WTAP: variants seen among roughly 807,000 people sequenced by gnomAD.
WTAP encodes WT1 associated protein.
Under a neutral mutation model 50.0 loss-of-function variants are expected in WTAP, and 8 were observed. The ratio of observed to expected loss-of-function variants is 0.16; its 90% CI spans 0.09 to 0.29. The LOEUF is 0.29. WTAP is among the 10% of genes least tolerant of loss of function. The pLI, the probability that WTAP is intolerant of heterozygous loss-of-function variation, is 1.00. For synonymous variants in WTAP, 194 were observed against 169.0 expected (o/e 1.15, Z -1.15); for missense variants, 295 against 470.7 (o/e 0.63, Z 3.45).
intron 1 of WTAP, among the ~76,000 whole-genome samples, chr6:159,734,738 T>G (rs1778800607): frequency 6.6e-6 from 1 of 152,234 alleles, no homozygotes; most frequent in Admixed American, 6.5e-5. Flanking sequence ...ATTTAGATGC[T>G]TTTTCAAAAG....
At position 159,752,236 on chromosome 6, in the gene WTAP, C is replaced by T. The variant is rs140315974; in HGVS notation, c.453-1224C>T. On this transcript the variant is annotated intron_variant, in intron 6 of 7. Transcript: ENST00000621533. ...GACTAGAATTTAAAAAATGTTTTAA[C>T]CCATAAGGTCATCCTGGACTTACCC... 4.2e-3 allele frequency among the ~76,000 whole-genome samples: 632 copies of T among 152,252 alleles called. 4 individuals carry two copies. Among genetic ancestry groups the T allele is most frequent in the African/African-American group, 0.015 (609 of 41,554 alleles).
chr6:159,755,739 T>G lies in WTAP; in HGVS notation c.*128T>G, dbSNP rs1260248979. ...TACGTTTTGGTTTTTTTTTGTTGTTTTTTTTCTTTGTTTTTTTTTTCTTTT... is the reference window on the plus strand; with the variant it reads ...TACGTTTTGGTTTTTTTTTGTTGTTGTTTTTCTTTGTTTTTTTTTTCTTTT... On this transcript the variant is annotated 3_prime_UTR_variant, in exon 8 of 8. Transcript: ENST00000621533. The G allele has an allele frequency of 1.9e-5, 23 of 1,222,658 alleles. No homozygotes were observed. Among genetic ancestry groups the G allele is most frequent in the East Asian group, 3.1e-5 (1 of 32,058 alleles). The allele number at this position is 1,222,658 out of a possible 1,614,324, so 75.7% of individuals were successfully genotyped here. A position where few individuals can be genotyped will look rare whatever the true frequency, so the allele number is the denominator to read the frequency against.
intron 3 of WTAP, among the ~76,000 whole-genome samples, chr6:159,741,324 G>A (rs1299780290): frequency 6.6e-6 from 1 of 152,166 alleles, no homozygotes; most frequent in East Asian, 1.9e-4. Flanking sequence ...TTAAATTACA[G>A]TCTTGAAAAA....
upstream of WTAP, chr6:159,727,274 T>C: frequency 7.8e-7 from 1 of 1,281,588 alleles, no homozygotes; most frequent in Non-Finnish European, 1.0e-6. Context: ...ACCTTTCCTC[T>C]CCTGGCGGGG....
intron 7 of WTAP, among the ~76,000 whole-genome samples, chr6:159,754,351 G>A (rs551342803): frequency 1.3e-5 from 2 of 152,220 alleles, no homozygotes; most frequent in South Asian, 4.2e-4. Flanking sequence ...GAGTGTTATA[G>A]AGGACCACAC....
intron 1 of WTAP, among the ~76,000 whole-genome samples, chr6:159,728,394 G>C (rs575633278): frequency 3.3e-5 from 5 of 151,652 alleles, no homozygotes; most frequent in African/African-American, 1.2e-4. Context: ...TCAAGGACTA[G>C]CATAACTGTG....
At chr6:159,727,164 G>A (rs960319087), upstream of WTAP, 9 of 1,198,428 alleles carry the variant, frequency 7.5e-6, no homozygotes, top group African/African-American at 1.1e-4. Flanking sequence ...CGGAGCTCGC[G>A]CCAGGCTCCT....
intron 2 of WTAP, 78 bp downstream of exon 2, chr6:159,736,373 A>T (rs1427717932): frequency 9.1e-7 from 1 of 1,098,418 alleles, no homozygotes; most frequent in East Asian, 2.4e-5. Context: ...AAAAAAAAAT[A>T]GACTTGAAGG....
intron 6 of WTAP, among the ~76,000 whole-genome samples, chr6:159,752,725 T>C (rs780268673): frequency 2.6e-5 from 4 of 152,214 alleles, no homozygotes; most frequent in African/African-American, 4.8e-5. Context: ...TTGAGAGTTA[T>C]GGAAGATGGA....
At position 159,755,333 on chromosome 6, in the gene WTAP, T is replaced by C. The variant is rs755139888; in HGVS notation, c.913T>C (p.Ser305Pro). 5 of 1,614,186 alleles carry C rather than the reference T, an allele frequency of 3.1e-6. No homozygotes were observed. The highest frequency in any genetic ancestry group is 1.7e-5 in the Admixed American group (1 of 60,020). ...CAACACAACCGAAGATGACTTTCCT[T>C]CTTCTCCAGGGAATGGTAATAAGTC... is the stretch of plus-strand genomic sequence containing the variant. ...EGNTTEDDFP[S>P]SPGNGNKSSN... Residue 305 changes from serine to proline, a missense_variant, in exon 8 of 8, where the codon TCT (serine) becomes CCT (proline). This residue lies in a region of WTAP where 175 missense variants were observed against 183.1 expected (regional missense o/e 0.96). Transcript: ENST00000621533.
rs139959492 is a variant in WTAP, at chr6:159,742,845, C to T, written c.145+699C>T. On this transcript the variant is annotated intron_variant, in intron 4 of 7. Transcript: ENST00000621533. ...CCAAGGTGGGAAGATCACTTGAGCCCAGGAGTTTGAGACCAGCATAGGCAA... is the reference window on the plus strand; with the variant it reads ...CCAAGGTGGGAAGATCACTTGAGCCTAGGAGTTTGAGACCAGCATAGGCAA... Among the ~76,000 whole-genome samples, 948 of 151,356 alleles carry T rather than the reference C, an allele frequency of 6.3e-3. 10 individuals are homozygous for T. Among genetic ancestry groups the T allele is most frequent in the African/African-American group, 0.022 (914 of 41,216 alleles).
chr6:159,744,862 A>G (rs1257058260), intron 5 of WTAP, among the ~76,000 whole-genome samples: 2 of 152,100 alleles, frequency 1.3e-5, no homozygotes, highest in South Asian at 2.1e-4. Flanking sequence ...TAATTTTTGT[A>G]GAGATGAGGT....
chr6:159,743,678 T>G lies in WTAP; in HGVS notation c.159T>G (p.Thr53=), dbSNP rs1431082165. 3.1e-6 allele frequency: 5 copies of G among 1,598,020 alleles called. No homozygotes were observed. In the African/African-American group the frequency reaches 4.0e-5, roughly 13 times the overall value. The change falls in exon 5 of 8, where the codon ACT becomes ACG. Residue 53 remains threonine, a synonymous_variant. Coordinates refer to ENST00000621533, the MANE Select transcript of WTAP (RefSeq NM_001270531.2). ...KYTDLNSNDV[T]GLRESEEKLK... is the part of the protein sequence containing the mutation. ...TTGAATCATCAGCTAATGATGTAAC[T>G]GGCCTAAGAGAGTCTGAAGAAAAAC...
chr6:159,728,032 C>T (rs967076816), intron 1 of WTAP, among the ~76,000 whole-genome samples: 1 of 152,188 alleles, frequency 6.6e-6, no homozygotes, highest in Non-Finnish European at 1.5e-5. Context: ...GCCTCGGGGT[C>T]GCCCCCTTCA....
chr6:159,748,055 T>A lies in WTAP; in HGVS notation c.274-136T>A. 1 of 1,155,588 alleles carries A rather than the reference T, an allele frequency of 8.7e-7. No homozygotes were observed. Among genetic ancestry groups the A allele is most frequent in the Non-Finnish European group, 1.2e-6 (1 of 831,162 alleles). The allele number at this position is 1,155,588 out of a possible 1,614,324, so 71.6% of individuals were successfully genotyped here. On this transcript the variant is annotated intron_variant, in intron 5 of 7. Coordinates refer to ENST00000621533, the MANE Select transcript of WTAP (RefSeq NM_001270531.2). This position sits in a 1 kb window ranked among gnomAD's most constrained non-coding sequence, Gnocchi z 5.6. ...TTTCTAGAAAGTTTTAAGATTTTTC[T>A]AGAGAATTTCAGGATCAAAGAGGGG...
At chr6:159,735,505 C>T (rs1272333613) in intron 1 of WTAP, among the ~76,000 whole-genome samples, 1 of 152,178 alleles carries the variant, frequency 6.6e-6, no homozygotes, top group Non-Finnish European at 1.5e-5. Flanking sequence ...AATCCCAGCA[C>T]TTTGGGAGGC....
upstream of WTAP, chr6:159,727,069 T>G (rs947797025): frequency 4.9e-6 from 6 of 1,213,316 alleles, no homozygotes; most frequent in Non-Finnish European, 6.3e-6. Context: ...CTTCCCGTGA[T>G]GCCCTGGGGC....
chr6:159,744,903 C>T (rs977111247), intron 5 of WTAP, among the ~76,000 whole-genome samples: 4 of 152,172 alleles, frequency 2.6e-5, no homozygotes, highest in African/African-American at 9.7e-5. Context: ...TGGTCTTGAA[C>T]TGCTGTACTT....
At chr6:159,753,269 T>G (rs1033524132) in intron 6 of WTAP, 191 bp from the exon 7 acceptor site, 1 of 765,274 alleles carries the variant, frequency 1.3e-6, no homozygotes, top group Non-Finnish European at 2.0e-6. Flanking sequence ...GGGTTTATTT[T>G]TACTGCTGTG....
Sources: gnomAD v4.1 joint callset for allele counts (sites outside exome capture counted in the v4.1 genomes callset) on GRCh38, gnomAD v4.1.1 for gene constraint, gnomAD v4.1.1 regional missense constraint, Gnocchi (gnomAD v3.1) non-coding constraint, MANE v1.5 for transcripts, NCBI Gene and HGNC (gene_info 2026-07-23, HGNC 2026-07-21) for gene names.